LAMA2: variants seen among roughly 807,000 people sequenced by gnomAD.
LAMA2 encodes the protein laminin subunit alpha-2.
LAMA2 carries 269 observed loss-of-function variants against 364.8 expected under a neutral mutation model. The observed-to-expected ratio is 0.74, with a 90% CI of 0.67 to 0.82. The LOEUF is 0.82. Among genes scored for constraint, LAMA2 ranks in the 40% least tolerant of loss-of-function variants. The probability of loss-of-function intolerance (pLI) is 0.00; values close to 1 mark genes in which losing one functional copy is unlikely to be tolerated. For missense variants in LAMA2, 3,807 were observed against 3,873.2 expected, an observed-to-expected ratio of 0.98 and a Z score of 0.45; for synonymous variants, 1,379 against 1,370.6, an observed-to-expected ratio of 1.01 and a Z score of -0.14.
intron 34 of LAMA2, among the ~76,000 whole-genome samples, chr6:129,376,463 T>C (rs774665866): frequency 2.6e-5 from 4 of 152,180 alleles, no homozygotes; most frequent in Non-Finnish European, 4.4e-5. Flanking sequence ...AGAATGAATG[T>C]TTGCTATTCC....
chr6:128,888,897 G>T (rs763032199), intron 1 of LAMA2, among the ~76,000 whole-genome samples: 2 of 152,164 alleles, frequency 1.3e-5, no homozygotes, highest in Non-Finnish European at 1.5e-5. Context: ...TCCAAGCATA[G>T]AATTATTTTA....
intron 3 of LAMA2, among the ~76,000 whole-genome samples, chr6:129,084,659 A>G (rs955387380): frequency 4.6e-5 from 7 of 152,170 alleles, no homozygotes; most frequent in African/African-American, 1.2e-4. Context: ...TCAGCTTTCA[A>G]TAAGTGAACA....
intron 9 of LAMA2, among the ~76,000 whole-genome samples, chr6:129,168,981 A>G (rs561334427): frequency 2.8e-3 from 420 of 152,262 alleles, no homozygotes; most frequent in African/African-American, 9.8e-3. Context: ...TTGTTGTATA[A>G]GAATGCTTGT....
chr6:128,928,423 A>G lies in LAMA2; in HGVS notation c.112+45066A>G, dbSNP rs920636399. Among the ~76,000 whole-genome samples the G allele has an allele frequency of 8.3e-4, 126 of 152,332 alleles. 1 individual carries two copies. Among genetic ancestry groups the G allele is most frequent in the South Asian group, 2.1e-3 (10 of 4,834 alleles). On this transcript the variant is annotated intron_variant, in intron 1 of 64. Coordinates refer to ENST00000421865, the MANE Select transcript of LAMA2 (RefSeq NM_000426.4). Reference sequence around the variant, plus strand: ...ATACTTAGAATACTATATTATTTAAACCAATATCTATTTCAACAAAATGTT... The same window carrying G: ...ATACTTAGAATACTATATTATTTAAGCCAATATCTATTTCAACAAAATGTT...
chr6:129,236,521 G>A (rs900548145), intron 12 of LAMA2, among the ~76,000 whole-genome samples: 3 of 152,064 alleles, frequency 2.0e-5, no homozygotes, highest in African/African-American at 2.4e-5. Context: ...CATTTTGCAG[G>A]TGCCAAAGTC....
intron 31 of LAMA2, among the ~76,000 whole-genome samples, chr6:129,351,174 C>T (rs1166597946): frequency 6.6e-6 from 1 of 151,964 alleles, no homozygotes; most frequent in Non-Finnish European, 1.5e-5. Context: ...AAAAGATTAT[C>T]TACAGTAATT....
At chr6:129,356,143 A>G (rs1554279228) in intron 32 of LAMA2, among the ~76,000 whole-genome samples, 1 of 152,036 alleles carries the variant, frequency 6.6e-6, no homozygotes, top group Non-Finnish European at 1.5e-5. Context: ...CCAAAATGGA[A>G]TTTTTTGCAG....
At chr6:129,113,437 C>G (rs574642781) in intron 4 of LAMA2, among the ~76,000 whole-genome samples, 3 of 152,098 alleles carry the variant, frequency 2.0e-5, no homozygotes, top group African/African-American at 7.2e-5. Context: ...AGCCGAAAAG[C>G]ATCTGAGAAT....
chr6:129,044,007 C>A (rs539260644), intron 1 of LAMA2, among the ~76,000 whole-genome samples: 77 of 152,074 alleles, frequency 5.1e-4, no homozygotes, highest in Non-Finnish European at 1.0e-3. Flanking sequence ...CCTGCTGTGG[C>A]TATTTTTAGT....
intron 12 of LAMA2, among the ~76,000 whole-genome samples, chr6:129,224,068 G>A (rs529706900): frequency 1.3e-5 from 2 of 152,276 alleles, no homozygotes; most frequent in Admixed American, 1.3e-4. Flanking sequence ...CACATCCCTT[G>A]TAAGTTGGAT....
intron 1 of LAMA2, among the ~76,000 whole-genome samples, chr6:128,893,769 T>A (rs1776604258): frequency 6.6e-6 from 1 of 151,772 alleles, no homozygotes; most frequent in Non-Finnish European, 1.5e-5. Flanking sequence ...TTGGGAAATT[T>A]AAAAATGTTT....
At chr6:129,465,049 A>G in intron 50 of LAMA2, 96 bp from the exon 51 acceptor site, 1 of 956,952 alleles carries the variant, frequency 1.0e-6, no homozygotes, top group Non-Finnish European at 1.7e-6. Flanking sequence ...TCAGCAATTT[A>G]GCCACAAGAC....
At chr6:129,035,324 CTG>C (rs1480530070) in intron 1 of LAMA2, among the ~76,000 whole-genome samples, 1 of 137,384 alleles carries the variant, frequency 7.3e-6, no homozygotes, top group Non-Finnish European at 1.6e-5. Context: ...TTAGAAGTGT[CTG>C]TTAATTTCCT....
intron 1 of LAMA2, among the ~76,000 whole-genome samples, chr6:128,975,052 C>T (rs1408118370): frequency 6.6e-6 from 1 of 152,086 alleles, no homozygotes; most frequent in Non-Finnish European, 1.5e-5. Context: ...CGAGGTTTCA[C>T]TGTGTTAGCC....
At chr6:129,036,595 T>A (rs1172686950) in intron 1 of LAMA2, among the ~76,000 whole-genome samples, 1 of 151,670 alleles carries the variant, frequency 6.6e-6, no homozygotes, top group Non-Finnish European at 1.5e-5. Context: ...ATTTTAAAAA[T>A]TAATTCAACA....
At chr6:129,219,655 T>G (rs895250964) in intron 12 of LAMA2, among the ~76,000 whole-genome samples, 1 of 144,908 alleles carries the variant, frequency 6.9e-6, no homozygotes, top group Non-Finnish European at 1.5e-5. Flanking sequence ...CCATAAAAAA[T>G]GATGAGTTCA....
intron 34 of LAMA2, among the ~76,000 whole-genome samples, chr6:129,377,727 A>T (rs746212944): frequency 6.6e-5 from 10 of 152,230 alleles, no homozygotes; most frequent in Non-Finnish European, 1.5e-4. Context: ...TCTATTCAGT[A>T]GTTAGGTTTG....
At chr6:128,959,752 C>G (rs1781363462) in intron 1 of LAMA2, among the ~76,000 whole-genome samples, 1 of 152,082 alleles carries the variant, frequency 6.6e-6, no homozygotes, top group Non-Finnish European at 1.5e-5. Context: ...TCTTCCCTTT[C>G]TCTTTTCATG....
intron 1 of LAMA2, among the ~76,000 whole-genome samples, chr6:128,917,706 T>TTTTTCTTTC (rs1554322937): frequency 9.7e-4 from 95 of 98,384 alleles, no homozygotes; most frequent in Non-Finnish European, 1.6e-3. Context: ...TTTCTTTTTT[T>TTTTTCTTTC]TTTCTTTCTT....
Sources: gnomAD v4.1 joint callset for allele counts (sites outside exome capture counted in the v4.1 genomes callset) on GRCh38, gnomAD v4.1.1 for gene constraint, MANE v1.5 for transcripts, NCBI Gene and HGNC (gene_info 2026-07-23, HGNC 2026-07-21) for gene names.